Variants in ITCH observed in about 807,000 individuals in gnomAD.
ITCH encodes the protein E3 ubiquitin-protein ligase Itchy homolog.
Under a neutral mutation model 126.8 loss-of-function variants are expected in ITCH, and 28 were observed. That is an observed-to-expected ratio of 0.22 (90% confidence interval 0.16 to 0.30). ITCH has a LOEUF of 0.30. Among genes scored for constraint, ITCH ranks in the 10% least tolerant of loss-of-function variants. ITCH has a pLI of 1.00. For missense variants in ITCH, 631 were observed against 1,032.4 expected (o/e 0.61, Z 5.33); for synonymous variants, 342 against 340.0 (o/e 1.01, Z -0.06).
chr20:34,440,420 A>G (rs1191195169), intron 9 of ITCH, 76 bp downstream of exon 9: 7 of 995,294 alleles, frequency 7.0e-6, no homozygotes, highest in Non-Finnish European at 1.1e-5. Flanking sequence ...GGAAAATAAC[A>G]GTAAACAACA....
chr20:34,489,831 T>C lies in ITCH; in HGVS notation c.2224T>C (p.Cys742Arg). The change falls in exon 22 of 25, where the codon TGT (cysteine) becomes CGT (arginine). Residue 742 changes from cysteine (C) to arginine (R), a missense_variant. Around this residue, in one of 4 missense-constraint regions of ITCH, gnomAD observed 390 missense variants for 731.6 expected, o/e 0.53. Coordinates refer to ENST00000374864, the MANE Select transcript of ITCH (RefSeq NM_031483.7). ...TTTTTCATCCCTAAAGGTCCTTTTA[T>C]GTGGAATGCAAGAGATTGATTTGAA... Reference protein sequence around the residue: ...FDAKELEVLLCGMQEIDLNDW... With the variant: ...FDAKELEVLLRGMQEIDLNDW... 1 of 1,612,530 alleles carries C rather than the reference T, an allele frequency of 6.2e-7. No homozygotes were observed. Among genetic ancestry groups the C allele is most frequent in the Non-Finnish European group, 8.5e-7 (1 of 1,178,566 alleles).
At chr20:34,486,773 C>T (rs116738875) in intron 20 of ITCH, among the ~76,000 whole-genome samples, 2,786 of 151,712 alleles carry the variant, frequency 0.018, 42 homozygotes, top group Middle Eastern at 0.045. Context: ...TCTTGCCTCA[C>T]GGCAGCGTCC....
At position 34,489,816 on chromosome 20, in the gene ITCH, C is replaced by G; in HGVS notation, c.2215-6C>G. The G allele has an allele frequency of 6.2e-7, 1 of 1,604,010 alleles. No individual in the cohort carries two copies. The highest frequency in any genetic ancestry group is 1.3e-5 in the African/African-American group (1 of 74,852). On this transcript the variant is annotated splice_region_variant and splice_polypyrimidine_tract_variant and intron_variant, in intron 21 of 24. Transcript: ENST00000374864. ...AGGAAACAATTTGTCTTTTTCATCC[C>G]TAAAGGTCCTTTTATGTGGAATGCA...
At chr20:34,435,678 C>A (rs1982918023) in intron 7 of ITCH, among the ~76,000 whole-genome samples, 1 of 152,142 alleles carries the variant, frequency 6.6e-6, no homozygotes, top group South Asian at 2.1e-4. Context: ...TCCAGCATTA[C>A]TTGTTGGTCT....
At chr20:34,435,445 A>G (rs1255712021) in intron 7 of ITCH, among the ~76,000 whole-genome samples, 1 of 152,184 alleles carries the variant, frequency 6.6e-6, no homozygotes, top group African/African-American at 2.4e-5. Flanking sequence ...CTGGGATTAC[A>G]GGCGTGAGCC....
At chr20:34,370,060 C>T (rs544459754) in intron 2 of ITCH, among the ~76,000 whole-genome samples, 11 of 149,284 alleles carry the variant, frequency 7.4e-5, no homozygotes, top group African/African-American at 2.0e-4. Flanking sequence ...GCCATGATCA[C>T]GCCACTGCAC....
At chr20:34,491,682 T>A (rs947383447) in intron 22 of ITCH, among the ~76,000 whole-genome samples, 1 of 152,210 alleles carries the variant, frequency 6.6e-6, no homozygotes, top group Non-Finnish European at 1.5e-5. Context: ...AATACTACAA[T>A]AGGATAAAAA....
intron 14 of ITCH, among the ~76,000 whole-genome samples, chr20:34,467,570 G>A (rs1311855612): frequency 6.6e-6 from 1 of 151,202 alleles, no homozygotes; most frequent in South Asian, 2.1e-4. Flanking sequence ...GAAAATTCTG[G>A]CCTAGATGGT....
chr20:34,464,154 T>TTTTTGTA (rs1165988402), intron 14 of ITCH, among the ~76,000 whole-genome samples: 2 of 151,272 alleles, frequency 1.3e-5, no homozygotes, highest in African/African-American at 4.8e-5. Flanking sequence ...TTTTTTTTTT[T>TTTTTGTA]TTTTGTATTT....
At chr20:34,372,024 C>T (rs1326233526) in intron 2 of ITCH, among the ~76,000 whole-genome samples, 2 of 151,948 alleles carry the variant, frequency 1.3e-5, no homozygotes, top group Admixed American at 6.6e-5. Flanking sequence ...AATAAGGCTT[C>T]GGCCGGCCGC....
At chr20:34,416,681 CTT>C (rs1046060913) in intron 6 of ITCH, among the ~76,000 whole-genome samples, 4 of 152,170 alleles carry the variant, frequency 2.6e-5, no homozygotes, top group Admixed American at 6.5e-5. Context: ...TATAAATAAA[CTT>C]TTTCCAAGTG....
intron 3 of ITCH, among the ~76,000 whole-genome samples, chr20:34,400,671 AGTTTCGTTCT>A (rs1264467280): frequency 8.5e-6 from 1 of 117,426 alleles, no homozygotes; most frequent in Non-Finnish European, 1.7e-5. Flanking sequence ...TTTTTGAGAC[AGTTTCGTTCT>A]GTCGCCCAGG....
At chr20:34,397,894 T>G (rs1467790635) in intron 3 of ITCH, among the ~76,000 whole-genome samples, 2 of 152,156 alleles carry the variant, frequency 1.3e-5, no homozygotes, top group African/African-American at 4.8e-5. Context: ...TACATTTTAT[T>G]TTTTACTGAT....
At chr20:34,450,487 C>G (rs1475041164) in intron 12 of ITCH, among the ~76,000 whole-genome samples, 1 of 152,108 alleles carries the variant, frequency 6.6e-6, no homozygotes, top group African/African-American at 2.4e-5. Flanking sequence ...TAAAATAGAC[C>G]TTAATAGACT....
intron 7 of ITCH, among the ~76,000 whole-genome samples, chr20:34,437,440 C>T (rs1202916378): frequency 6.6e-6 from 1 of 152,086 alleles, no homozygotes; most frequent in African/African-American, 2.4e-5. Context: ...TGAGTAGCTT[C>T]GACTACAGGC....
chr20:34,477,735 C>T lies in ITCH; in HGVS notation c.1570-37C>T, dbSNP rs748773273. 3.1e-6 allele frequency: 5 copies of T among 1,599,528 alleles called. No individual in the cohort carries two copies. The African/African-American group carries it at 5.4e-5, about 17-fold the overall frequency. ...GAAGTGGTAGACAGTGTTTCAATAGCTTTTTTCACCAATTATTTTACTTTA... is the reference window on the plus strand; with the variant it reads ...GAAGTGGTAGACAGTGTTTCAATAGTTTTTTTCACCAATTATTTTACTTTA... On this transcript the variant is annotated intron_variant, in intron 16 of 24. Coordinates refer to ENST00000374864, the MANE Select transcript of ITCH (RefSeq NM_031483.7).
intron 9 of ITCH, 50 bp from the exon 10 acceptor site, chr20:34,442,158 C>T (rs1438986896): frequency 8.2e-6 from 11 of 1,344,418 alleles, no homozygotes; most frequent in Non-Finnish European, 1.1e-5. Context: ...GATTAAAAAG[C>T]CAGGTAACTC....
intron 11 of ITCH, among the ~76,000 whole-genome samples, chr20:34,448,772 TTTC>T (rs1984782025): frequency 6.6e-6 from 1 of 152,210 alleles, no homozygotes; most frequent in African/African-American, 2.4e-5. Flanking sequence ...TGACTTTTGT[TTTC>T]TTTTTCCAAA....
intron 6 of ITCH, among the ~76,000 whole-genome samples, chr20:34,423,119 G>A (rs754278709): frequency 1.2e-4 from 18 of 152,142 alleles, no homozygotes; most frequent in South Asian, 2.1e-4. Flanking sequence ...CTAAAAATTC[G>A]TCTTTTTCTG....
Sources: gnomAD v4.1 joint callset for allele counts (sites outside exome capture counted in the v4.1 genomes callset) on GRCh38, gnomAD v4.1.1 for gene constraint, gnomAD v4.1.1 regional missense constraint, MANE v1.5 for transcripts, NCBI Gene and HGNC (gene_info 2026-07-23, HGNC 2026-07-21) for gene names.